SBNO2: variants seen among roughly 807,000 people sequenced by gnomAD.
SBNO2 encodes strawberry notch homolog 2, also known as protein strawberry notch homolog 2.
SBNO2 carries 89 observed loss-of-function variants against 146.3 expected under a neutral mutation model. The observed-to-expected ratio is 0.61, with a 90% CI of 0.51 to 0.73. The LOEUF is 0.73. Among genes scored for constraint, SBNO2 ranks in the 30% least tolerant of loss-of-function variants. SBNO2 has a pLI of 0.00. For missense variants in SBNO2, 2,092 were observed against 2,003.7 expected, an observed-to-expected ratio of 1.04 and a Z score of -0.84; for synonymous variants, 1,147 against 892.6, an observed-to-expected ratio of 1.29 and a Z score of -5.08.
intron 1 of SBNO2, among the ~76,000 whole-genome samples, chr19:1,156,496 C>T (rs1033155538): frequency 2.0e-5 from 3 of 151,922 alleles, no homozygotes; most frequent in African/African-American, 7.3e-5. Flanking sequence ...AAGAGGCTAA[C>T]GCTGGAGTCA....
At chr19:1,116,751 T>G (rs2079836570) in intron 16 of SBNO2, 78 bp downstream of exon 16, 2 of 1,312,610 alleles carry the variant, frequency 1.5e-6, no homozygotes, top group Non-Finnish European at 2.1e-6. Context: ...AGGGGCAGGG[T>G]CAGGCCACAG....
chr19:1,115,957 C>A, intron 17 of SBNO2, 64 bp downstream of exon 17: 1 of 1,368,608 alleles, frequency 7.3e-7, no homozygotes, highest in Non-Finnish European at 1.0e-6. Flanking sequence ...GAGCGACCAG[C>A]CAGCCCCCGG....
chr19:1,117,743 C>G (rs183458727), intron 14 of SBNO2, among the ~76,000 whole-genome samples: 17 of 152,384 alleles, frequency 1.1e-4, no homozygotes, highest in African/African-American at 4.1e-4. Context: ...TCCGCGCCCG[C>G]GGCAAACAGG....
chr19:1,113,400 A>G, intron 19 of SBNO2, 135 bp downstream of exon 19: 1 of 825,124 alleles, frequency 1.2e-6, no homozygotes, highest in Non-Finnish European at 1.8e-6. Flanking sequence ...GGGCTCCCCA[A>G]ACGCCCCCTC....
chr19:1,132,722 G>A lies in SBNO2; in HGVS notation c.280-4957C>T, dbSNP rs973510181. 3.3e-5 allele frequency among the ~76,000 whole-genome samples: 5 copies of A among 152,094 alleles called. 1 individual carries two copies. In the South Asian group the frequency reaches 1.0e-3, roughly 32 times the overall value. On this transcript the variant is annotated intron_variant, in intron 4 of 31. Coordinates refer to ENST00000361757, the MANE Select transcript of SBNO2 (RefSeq NM_014963.3). Reference sequence around the variant, plus strand: ...CTGAGGTCCCCGAGAAGCCCCTGCCGCCGAAGCAAAGTCCCCTCCCTGCTC... The same window carrying A: ...CTGAGGTCCCCGAGAAGCCCCTGCCACCGAAGCAAAGTCCCCTCCCTGCTC...
chr19:1,119,261 C>T (rs2079870084), intron 13 of SBNO2, 97 bp from the exon 14 acceptor site: 10 of 1,425,596 alleles, frequency 7.0e-6, no homozygotes, highest in South Asian at 6.5e-5. Context: ...AGGGCGGGGT[C>T]GGCAGGAGCA....
At chr19:1,123,493 T>C in intron 7 of SBNO2, 41 bp downstream of exon 7, 1 of 1,568,430 alleles carries the variant, frequency 6.4e-7, no homozygotes, top group Non-Finnish European at 8.8e-7. Context: ...CACAAAAGGG[T>C]TTGAACCTGT....
chr19:1,134,009 C>A (rs1227617356), intron 4 of SBNO2, among the ~76,000 whole-genome samples: 1 of 152,220 alleles, frequency 6.6e-6, no homozygotes, highest in Non-Finnish European at 1.5e-5. Context: ...CAGGAGTGGA[C>A]CCACAGCCCA....
chr19:1,114,390 G>C lies in SBNO2; in HGVS notation c.1918C>G (p.Arg640Gly), dbSNP rs781471532. The change falls in exon 18 of 32, where the codon CGG becomes GGG. Residue 640 changes from arginine (R) to glycine (G), a missense_variant. Transcript: ENST00000361757. Reference protein sequence around the residue: ...RPRGRGAKAPRLACETAGVIR... With the variant: ...RPRGRGAKAPGLACETAGVIR... ...ACGCCCGCTGTCTCGCACGCCAGCC[G>C]GGGGGCTTTGGCCCCGCGTCCCCGA... is the stretch of plus-strand genomic sequence containing the variant. The C allele has an allele frequency of 5.3e-5, 82 of 1,547,684 alleles. No individual in the cohort carries two copies. The highest frequency in any genetic ancestry group is 2.4e-5 in the East Asian group (1 of 41,102).
intron 11 of SBNO2, among the ~76,000 whole-genome samples, chr19:1,121,284 G>A (rs2079897953): frequency 2.0e-5 from 3 of 152,234 alleles, no homozygotes; most frequent in Admixed American, 2.0e-4. Context: ...GGCCGGCCCT[G>A]CCGCCACGTA....
intron 2 of SBNO2, among the ~76,000 whole-genome samples, chr19:1,152,366 T>C (rs2080250506): frequency 6.6e-6 from 1 of 152,218 alleles, no homozygotes; most frequent in Non-Finnish European, 1.5e-5. Context: ...TGCCGCTCTG[T>C]CTTCCCCTCC....
Position 1,110,334 on chromosome 19 carries a change from G to A in SBNO2, c.3028+411C>T, listed in dbSNP as rs1484087822. On this transcript the variant is annotated intron_variant, in intron 26 of 31. Coordinates refer to ENST00000361757, the MANE Select transcript of SBNO2 (RefSeq NM_014963.3). The surrounding 1 kb of genome is among the most constrained non-coding windows in gnomAD (Gnocchi z 4.9). Reference sequence around the variant, plus strand: ...GCCTTTCGTTCACAACAATGTAGCAGGTGCCCCGTGAAGCCTGGGGATGAG... The same window carrying A: ...GCCTTTCGTTCACAACAATGTAGCAAGTGCCCCGTGAAGCCTGGGGATGAG... 6.6e-6 allele frequency among the ~76,000 whole-genome samples: 1 copy of A among 152,150 alleles called. No homozygotes were observed. Among genetic ancestry groups the A allele is most frequent in the African/African-American group, 2.4e-5 (1 of 41,416 alleles).
chr19:1,128,051 A>C, intron 4 of SBNO2: 1 of 538,732 alleles, frequency 1.9e-6, no homozygotes, highest in East Asian at 3.6e-5. Context: ...CCTGACCTCA[A>C]GTGATCTGCC....
At chr19:1,156,926 C>G (rs79377436) in intron 1 of SBNO2, among the ~76,000 whole-genome samples, 2 of 97,526 alleles carry the variant, frequency 2.1e-5, no homozygotes, top group Non-Finnish European at 2.5e-5. Flanking sequence ...CTGCAATCCC[C>G]CAGGACCCGC....
chr19:1,112,734 G>A lies in SBNO2; in HGVS notation c.2379+84C>T, dbSNP rs555281839. On this transcript the variant is annotated intron_variant, in intron 20 of 31. Transcript: ENST00000361757. This position sits in a 1 kb window ranked among gnomAD's most constrained non-coding sequence, Gnocchi z 5.9. The stretch of plus-strand genomic sequence containing the variant: ...GCACACACACACTCCAGAAGTGCGC[G>A]GGTCCACAGTCCCCGGGGACCCTTG... 3.1e-4 allele frequency: 460 copies of A among 1,479,376 alleles called. 2 individuals are homozygous for A. In the African/African-American group the frequency reaches 4.9e-3, roughly 16 times the overall value. The allele number at this position is 1,479,376 out of a possible 1,614,324, so 91.6% of individuals were successfully genotyped here. A position where few individuals can be genotyped will look rare whatever the true frequency, so the allele number is the denominator to read the frequency against.
intron 4 of SBNO2, among the ~76,000 whole-genome samples, chr19:1,141,834 G>A (rs1340676470): frequency 1.3e-5 from 2 of 151,970 alleles, no homozygotes; most frequent in African/African-American, 4.8e-5. Context: ...TGTTGCGCAG[G>A]CTGGTCTCAA....
intron 4 of SBNO2, among the ~76,000 whole-genome samples, chr19:1,129,672 G>A (rs981444886): frequency 3.3e-5 from 5 of 152,214 alleles, no homozygotes; most frequent in African/African-American, 9.7e-5. Flanking sequence ...CGGACCCTCC[G>A]TGGAAGCATT....
At chr19:1,160,870 C>T (rs1403676173) in intron 1 of SBNO2, among the ~76,000 whole-genome samples, 2 of 151,780 alleles carry the variant, frequency 1.3e-5, no homozygotes, top group African/African-American at 4.8e-5. Flanking sequence ...ATCTCTGTAA[C>T]TCACTAGACT....
At chr19:1,115,850 C>T in intron 17 of SBNO2, 171 bp downstream of exon 17, 2 of 662,450 alleles carry the variant, frequency 3.0e-6, no homozygotes, top group Non-Finnish European at 2.7e-6. Context: ...ATGGCAGGGT[C>T]CACGCAAGAC....
Sources: gnomAD v4.1 joint callset for allele counts (sites outside exome capture counted in the v4.1 genomes callset) on GRCh38, gnomAD v4.1.1 for gene constraint, Gnocchi (gnomAD v3.1) non-coding constraint, MANE v1.5 for transcripts, NCBI Gene and HGNC (gene_info 2026-07-23, HGNC 2026-07-21) for gene names.